COL22A1: variants seen among roughly 807,000 people sequenced by gnomAD.
The protein encoded by COL22A1 is collagen alpha-1(XXII) chain.
Under a neutral mutation model 248.9 loss-of-function variants are expected in COL22A1, and 221 were observed. The ratio of observed to expected loss-of-function variants is 0.89; its 90% CI spans 0.80 to 0.99. COL22A1 has a LOEUF of 0.99. Ranked by LOEUF, COL22A1 falls within the 50% of genes least tolerant of loss-of-function variation. The pLI, the probability that COL22A1 is intolerant of heterozygous loss-of-function variation, is 0.00. For missense variants in COL22A1, 2,240 were observed against 2,179.0 expected, an observed-to-expected ratio of 1.03 and a Z score of -0.56; for synonymous variants, 891 against 793.4, an observed-to-expected ratio of 1.12 and a Z score of -2.07.
intron 22 of COL22A1, among the ~76,000 whole-genome samples, chr8:138,749,774 C>T (rs1157887912): frequency 2.0e-5 from 3 of 152,186 alleles, no homozygotes; most frequent in Admixed American, 1.3e-4. Context: ...CAGGATCCTT[C>T]CACTCTATGG....
At chr8:138,834,861 C>G (rs1389335340) in intron 4 of COL22A1, among the ~76,000 whole-genome samples, 1 of 152,184 alleles carries the variant, frequency 6.6e-6, no homozygotes, top group African/African-American at 2.4e-5. Flanking sequence ...ATATGCCAAG[C>G]CCTGTGAGCT....
intron 24 of COL22A1, 41 bp from the exon 25 acceptor site, chr8:138,724,709 C>A (rs766055761): frequency 6.3e-7 from 1 of 1,588,654 alleles, no homozygotes; most frequent in South Asian, 1.1e-5. Context: ...CTGGCCTGTT[C>A]AGAGATCAGA....
At chr8:138,836,770 C>T (rs1785661669) in intron 4 of COL22A1, among the ~76,000 whole-genome samples, 1 of 152,192 alleles carries the variant, frequency 6.6e-6, no homozygotes, top group African/African-American at 2.4e-5. Flanking sequence ...TGGGAAGAGT[C>T]CCAGTCAAAC....
chr8:138,638,041 A>C (rs1395084538), intron 47 of COL22A1, among the ~76,000 whole-genome samples: 1 of 151,920 alleles, frequency 6.6e-6, no homozygotes, highest in East Asian at 1.9e-4. Flanking sequence ...CATCATCCTC[A>C]TCATCATCAT....
chr8:138,601,287 A>G (rs958511781), intron 60 of COL22A1, among the ~76,000 whole-genome samples: 2 of 152,148 alleles, frequency 1.3e-5, no homozygotes, highest in African/African-American at 4.8e-5. Flanking sequence ...AGACAGGAGG[A>G]AGATCCAGGG....
chr8:138,591,573 C>T (rs550039301), intron 63 of COL22A1, 72 bp from the exon 64 acceptor site: 27 of 1,248,470 alleles, frequency 2.2e-5, no homozygotes, highest in Admixed American at 1.1e-4. Context: ...TCCCACCTTG[C>T]GGGAGGTGCA....
rs1832279544 is a variant in COL22A1 at position 138,748,125 on chromosome 8, A to G, written c.2085+3333T>C. Among the ~76,000 whole-genome samples the G allele has an allele frequency of 3.3e-5, 5 of 152,110 alleles. No individual in the cohort carries two copies. The South Asian group carries it at 1.0e-3, about 32-fold the overall frequency. On this transcript the variant is annotated intron_variant, in intron 22 of 64. Transcript: ENST00000303045. Reference sequence around the variant, plus strand: ...TCCCATTGACTCCCATGGAAAACTCACTCACTCCTGCAAGGCCACCTCAAA... The same window carrying G: ...TCCCATTGACTCCCATGGAAAACTCGCTCACTCCTGCAAGGCCACCTCAAA...
rs776424817 is a variant in COL22A1, at chr8:138,606,434, C to A, written c.4051G>T (p.Gly1351Trp). ...GGAAGTCCTGGGCTGCCATTTTCCC[C>A]TTTGCTTCCTTTCTGGCCCTGCAAA... ...SGTPGQKGSK[G>W]ENGSPGLPGF... Residue 1351 changes from glycine (G) to tryptophan (W), a missense_variant, in exon 58 of 65, where the codon GGG becomes TGG. Transcript: ENST00000303045. 20 of 1,613,614 alleles carry A rather than the reference C, an allele frequency of 1.2e-5. No individual in the cohort carries two copies. Among genetic ancestry groups the A allele is most frequent in the Non-Finnish European group, 1.7e-5 (20 of 1,179,922 alleles).
chr8:138,596,787 T>A (rs1817569102), intron 62 of COL22A1, 117 bp downstream of exon 62: 2 of 899,072 alleles, frequency 2.2e-6, no homozygotes, highest in African/African-American at 1.6e-5. Flanking sequence ...TAGTCTACAC[T>A]TGAGCTGCCG....
At chr8:138,615,079 A>T (rs142333558) in intron 55 of COL22A1, among the ~76,000 whole-genome samples, 3,881 of 152,284 alleles carry the variant, frequency 0.025, 73 homozygotes, top group Middle Eastern at 0.065. Context: ...ACCCTGCAGG[A>T]CGCCACATGC....
chr8:138,649,564 A>G, intron 46 of COL22A1, 101 bp downstream of exon 46: 1 of 1,525,590 alleles, frequency 6.6e-7, no homozygotes, highest in Non-Finnish European at 8.8e-7. Flanking sequence ...TGAACCCCTC[A>G]AACCCTGAAC....
At chr8:138,675,974 G>A (rs965535447) in intron 41 of COL22A1, among the ~76,000 whole-genome samples, 7 of 152,160 alleles carry the variant, frequency 4.6e-5, no homozygotes, top group Non-Finnish European at 1.0e-4. Flanking sequence ...CGAAGATATT[G>A]ATAGCAATCC....
At chr8:138,683,219 A>G (rs1240027531) in intron 39 of COL22A1, among the ~76,000 whole-genome samples, 4 of 152,098 alleles carry the variant, frequency 2.6e-5, no homozygotes, top group African/African-American at 7.2e-5. Context: ...TTGTCATCCC[A>G]CAGCTCACCT....
intron 31 of COL22A1, among the ~76,000 whole-genome samples, chr8:138,700,786 C>T (rs1255622943): frequency 2.6e-5 from 4 of 152,048 alleles, no homozygotes; most frequent in South Asian, 2.1e-4. Context: ...AGATTGAGAC[C>T]GCCCTGGCTA....
At chr8:138,667,519 A>G (rs1442919884) in intron 41 of COL22A1, among the ~76,000 whole-genome samples, 1 of 152,166 alleles carries the variant, frequency 6.6e-6, no homozygotes, top group Non-Finnish European at 1.5e-5. Context: ...GTTCAAAATT[A>G]TTCTTAGAAC....
At chr8:138,784,464 C>T (rs1435293095) in intron 12 of COL22A1, among the ~76,000 whole-genome samples, 3 of 152,150 alleles carry the variant, frequency 2.0e-5, no homozygotes, top group Middle Eastern at 3.4e-3. Context: ...AAATGAGGAG[C>T]CACCTCCCCT....
intron 6 of COL22A1, among the ~76,000 whole-genome samples, chr8:138,824,763 C>A (rs2131776235): frequency 6.6e-6 from 1 of 152,354 alleles, no homozygotes; most frequent in East Asian, 1.9e-4. Context: ...CTTTATCCAA[C>A]TTTCCTGTGT....
intron 41 of COL22A1, among the ~76,000 whole-genome samples, chr8:138,668,812 T>C (rs951458328): frequency 3.9e-5 from 6 of 152,152 alleles, no homozygotes; most frequent in Non-Finnish European, 7.3e-5. Context: ...TAATGATTGA[T>C]CAGGTTCAGT....
chr8:138,892,787 T>C (rs548887629), intron 1 of COL22A1, among the ~76,000 whole-genome samples: 1 of 152,314 alleles, frequency 6.6e-6, no homozygotes, highest in African/African-American at 2.4e-5. Context: ...AAAATGAGAT[T>C]CGGCAGATTG....
Sources: gnomAD v4.1 joint callset for allele counts (sites outside exome capture counted in the v4.1 genomes callset) on GRCh38, gnomAD v4.1.1 for gene constraint, MANE v1.5 for transcripts, NCBI Gene and HGNC (gene_info 2026-07-23, HGNC 2026-07-21) for gene names.